The following FOXP1 variants were observed in gnomAD, a reference collection of about 807,000 sequenced individuals.
FOXP1 encodes the protein forkhead box protein P1.
FOXP1 carries 15 observed loss-of-function variants against 98.2 expected under a neutral mutation model. The observed-to-expected ratio is 0.15, with a 90% confidence interval of 0.10 to 0.24. The LOEUF (loss-of-function observed/expected upper bound fraction) is 0.24, where lower values mean the gene tolerates loss of function less well. Ranked by LOEUF, FOXP1 falls within the 10% of genes least tolerant of loss-of-function variation. The pLI is 1.00. For missense variants in FOXP1, 633 were observed against 848.5 expected (o/e 0.75, Z 3.15); for synonymous variants, 371 against 314.5 (o/e 1.18, Z -1.90).
intron 5 of FOXP1, among the ~76,000 whole-genome samples, chr3:71,277,367 T>C (rs940019843): frequency 2.0e-5 from 3 of 152,094 alleles, no homozygotes; most frequent in Non-Finnish European, 4.4e-5. Context: ...GTTCCATCTA[T>C]GTTGCCACAA....
intron 11 of FOXP1, among the ~76,000 whole-genome samples, chr3:71,023,844 C>T (rs915089235): frequency 5.9e-5 from 9 of 152,158 alleles, no homozygotes; most frequent in Non-Finnish European, 1.0e-4. Flanking sequence ...ATCATTAGCT[C>T]GAATGAAATA....
intron 5 of FOXP1, among the ~76,000 whole-genome samples, chr3:71,277,363 T>C (rs1205662315): frequency 2.0e-5 from 3 of 152,080 alleles, no homozygotes; most frequent in Admixed American, 1.3e-4. Context: ...TCCAGTTCCA[T>C]CTATGTTGCC....
At chr3:71,536,617 A>T (rs1248149583) in intron 2 of FOXP1, among the ~76,000 whole-genome samples, 1 of 150,532 alleles carries the variant, frequency 6.6e-6, no homozygotes, top group Admixed American at 6.6e-5. Flanking sequence ...GTCTTGGAAA[A>T]GCAGCACAGA....
At chr3:71,251,095 T>C (rs1380687265) in intron 5 of FOXP1, among the ~76,000 whole-genome samples, 2 of 152,234 alleles carry the variant, frequency 1.3e-5, no homozygotes, top group Non-Finnish European at 2.9e-5. Flanking sequence ...GAAAGCTTTA[T>C]GCCTGTAGAT....
chr3:71,483,143 G>A (rs559056272), intron 3 of FOXP1, among the ~76,000 whole-genome samples: 5 of 151,934 alleles, frequency 3.3e-5, no homozygotes, highest in Non-Finnish European at 7.4e-5. Context: ...CCAGCCTTAC[G>A]TCACTTTTCA....
chr3:71,386,541 G>T (rs73119116), intron 3 of FOXP1, among the ~76,000 whole-genome samples: 5,070 of 152,066 alleles, frequency 0.033, 116 homozygotes, highest in Middle Eastern at 0.071. Flanking sequence ...AAAAGATCAA[G>T]ACCATCCTGG....
chr3:71,547,933 T>A (rs1171822307), intron 2 of FOXP1, among the ~76,000 whole-genome samples: 1 of 152,176 alleles, frequency 6.6e-6, no homozygotes, highest in Non-Finnish European at 1.5e-5. Flanking sequence ...CTCAGAGAAG[T>A]CCTCTTAAAC....
rs114013060 is a variant in FOXP1, at chr3:71,032,068, C to T, written c.869+9260G>A. On this transcript the variant is annotated intron_variant, in intron 11 of 20. Coordinates refer to ENST00000649528, the MANE Select transcript of FOXP1 (RefSeq NM_001349338.3). ...GTCATAACTCAGATCTACAATAAAA[C>T]AAACTGCACAACAGAGGCTGCCTGA... is the stretch of plus-strand genomic sequence containing the variant. Among the ~76,000 whole-genome samples the T allele has an allele frequency of 2.1e-3, 318 of 152,358 alleles. 1 individual carries two copies. The highest frequency in any genetic ancestry group is 3.3e-3 in the Non-Finnish European group (225 of 68,040).
At chr3:71,492,678 A>C (rs1035561490) in intron 3 of FOXP1, among the ~76,000 whole-genome samples, 7 of 152,160 alleles carry the variant, frequency 4.6e-5, no homozygotes, top group African/African-American at 1.7e-4. Context: ...TCTCCATGAA[A>C]CTGACCTCAT....
At position 71,348,506 on chromosome 3, in the gene FOXP1, A is replaced by AGT. The variant is rs200279807; in HGVS notation, c.-73+10642_-73+10643dup. ...CTCCCAGGTGCCAGTTGCTGTGTTCAGTGTGTGTGTGTGTGCGTGTGTGTG... is the reference window on the plus strand; with the variant it reads ...CTCCCAGGTGCCAGTTGCTGTGTTCAGTGTGTGTGTGTGTGTGCGTGTGTGTG... On this transcript the variant is annotated intron_variant, in intron 4 of 20. Coordinates refer to ENST00000649528, the MANE Select transcript of FOXP1 (RefSeq NM_001349338.3). 4.3e-3 allele frequency among the ~76,000 whole-genome samples: 389 copies of AGT among 90,538 alleles called. 1 individual carries two copies. The highest frequency in any genetic ancestry group is 0.012 in the African/African-American group (313 of 26,870). The allele number at this position is 90,538 out of a possible 152,430, so 59.4% of individuals were successfully genotyped here. A position where few individuals can be genotyped will look rare whatever the true frequency, so the allele number is the denominator to read the frequency against.
chr3:71,583,109 C>G lies in FOXP1; in HGVS notation c.-447+462G>C, dbSNP rs569123583. The stretch of plus-strand genomic sequence containing the variant: ...CGCCCGGGCGGCCACCGGACGCCAA[C>G]GCCGGACATCGAAAGTTGCGCCAGG... On this transcript the variant is annotated intron_variant, in intron 1 of 20. Coordinates refer to ENST00000649528, the MANE Select transcript of FOXP1 (RefSeq NM_001349338.3). Among the ~76,000 whole-genome samples, 305 of 151,940 alleles carry G rather than the reference C, an allele frequency of 2.0e-3. 2 individuals carry two copies. The highest frequency in any genetic ancestry group is 7.1e-3 in the African/African-American group (296 of 41,520).
intron 2 of FOXP1, among the ~76,000 whole-genome samples, chr3:71,550,920 CGAT>C (rs1324407352): frequency 2.0e-5 from 3 of 152,202 alleles, no homozygotes; most frequent in Non-Finnish European, 2.9e-5. Flanking sequence ...TCCTCAGACA[CGAT>C]GAAGCCGCCA....
chr3:71,298,961 T>C (rs2073607467), intron 5 of FOXP1, among the ~76,000 whole-genome samples: 2 of 152,130 alleles, frequency 1.3e-5, no homozygotes, highest in African/African-American at 4.8e-5. Flanking sequence ...ACAAATCTAC[T>C]AAATCAAATG....
intron 6 of FOXP1, among the ~76,000 whole-genome samples, chr3:71,150,511 A>T (rs576449875): frequency 1.3e-5 from 2 of 152,272 alleles, no homozygotes; most frequent in South Asian, 4.2e-4. Context: ...CTGAAACTCG[A>T]TACTTATCTT....
chr3:71,171,871 C>T (rs762451038), intron 6 of FOXP1, among the ~76,000 whole-genome samples: 2 of 152,158 alleles, frequency 1.3e-5, no homozygotes, highest in African/African-American at 4.8e-5. Flanking sequence ...GTGATGGGAC[C>T]GGCTCTTCAT....
At chr3:71,249,558 G>A (rs755070242) in intron 5 of FOXP1, among the ~76,000 whole-genome samples, 5 of 152,158 alleles carry the variant, frequency 3.3e-5, no homozygotes, top group Non-Finnish European at 7.3e-5. Flanking sequence ...AGTGGAGTCC[G>A]GATCTGAACC....
chr3:71,581,874 T>C, intron 1 of FOXP1, 177 bp from the exon 2 acceptor site: 2 of 984,292 alleles, frequency 2.0e-6, no homozygotes, highest in South Asian at 9.4e-5. Context: ...AGGGAATCCC[T>C]GCAAGGATCC....
At chr3:71,274,315 C>T (rs1439306194) in intron 5 of FOXP1, among the ~76,000 whole-genome samples, 2 of 152,146 alleles carry the variant, frequency 1.3e-5, no homozygotes, top group Admixed American at 1.3e-4. Flanking sequence ...TAACTAAGGA[C>T]ATTAAGAAGA....
intron 12 of FOXP1, among the ~76,000 whole-genome samples, chr3:71,015,014 G>A (rs1362105516): frequency 6.6e-6 from 1 of 151,682 alleles, no homozygotes; most frequent in African/African-American, 2.4e-5. Flanking sequence ...GAGGGGAGGG[G>A]ACAGCATTAG....
Sources: gnomAD v4.1 joint callset for allele counts (sites outside exome capture counted in the v4.1 genomes callset) on GRCh38, gnomAD v4.1.1 for gene constraint, MANE v1.5 for transcripts, NCBI Gene and HGNC (gene_info 2026-07-23, HGNC 2026-07-21) for gene names.